Variants in TANC1 observed in about 807,000 individuals in gnomAD.
TANC1 encodes tetratricopeptide repeat, ankyrin repeat and coiled-coil containing 1.
TANC1 carries 77 observed loss-of-function variants against 149.7 expected under a neutral mutation model. The ratio of observed to expected loss-of-function variants is 0.51; its 90% CI spans 0.43 to 0.62. The LOEUF (loss-of-function observed/expected upper bound fraction) is 0.62, where lower values mean the gene tolerates loss of function less well. Ranked by LOEUF, TANC1 falls within the 20% of genes least tolerant of loss-of-function variation. TANC1 has a pLI of 0.00. For missense variants in TANC1, 1,985 were observed against 2,321.8 expected, an observed-to-expected ratio of 0.85 and a Z score of 2.98; for synonymous variants, 854 against 925.0, an observed-to-expected ratio of 0.92 and a Z score of 1.39.
At chr2:159,144,462 G>A (rs1486112654) in intron 5 of TANC1, among the ~76,000 whole-genome samples, 5 of 152,150 alleles carry the variant, frequency 3.3e-5, no homozygotes, top group East Asian at 1.9e-4. Context: ...TGTGACCTCC[G>A]CCTCCTGGGT....
chr2:158,987,750 T>A (rs1434553876), intron 1 of TANC1, among the ~76,000 whole-genome samples: 1 of 152,130 alleles, frequency 6.6e-6, no homozygotes, highest in Non-Finnish European at 1.5e-5. Flanking sequence ...ACAGCCTCCC[T>A]GAGCTGTTTT....
intron 4 of TANC1, among the ~76,000 whole-genome samples, chr2:159,128,459 G>C (rs2049720845): frequency 6.6e-6 from 1 of 152,200 alleles, no homozygotes; most frequent in African/African-American, 2.4e-5. Context: ...AGATATCCAA[G>C]GGATGGATGC....
intron 19 of TANC1, among the ~76,000 whole-genome samples, chr2:159,205,606 T>C (rs1232036476): frequency 6.6e-6 from 1 of 152,246 alleles, no homozygotes; most frequent in Non-Finnish European, 1.5e-5. Flanking sequence ...CTTAGCAGTT[T>C]AGGAGCAAAA....
intron 23 of TANC1, chr2:159,225,432 A>C (rs1401157541): frequency 2.3e-5 from 12 of 532,330 alleles, no homozygotes; most frequent in East Asian, 3.3e-5. Context: ...GAAGGGAGGA[A>C]TGAGTTTTCG....
intron 3 of TANC1, among the ~76,000 whole-genome samples, chr2:159,073,037 A>C (rs2043297023): frequency 6.6e-6 from 1 of 152,176 alleles, no homozygotes; most frequent in Non-Finnish European, 1.5e-5. Context: ...AAGTACTTGC[A>C]TTTTATGGTT....
chr2:159,003,976 A>T, intron 2 of TANC1: 5 of 1,612,574 alleles, frequency 3.1e-6, no homozygotes, highest in Non-Finnish European at 4.2e-6. Flanking sequence ...GTTCTCTAAA[A>T]AAAACTGGCT....
At chr2:159,004,624 T>C (rs2036960089) in intron 2 of TANC1, among the ~76,000 whole-genome samples, 2 of 152,140 alleles carry the variant, frequency 1.3e-5, no homozygotes, top group Admixed American at 1.3e-4. Flanking sequence ...TGTTTATGTA[T>C]GTGTGTGGGT....
chr2:159,123,158 CTG>C (rs2150107255), intron 4 of TANC1, among the ~76,000 whole-genome samples: 1 of 152,240 alleles, frequency 6.6e-6, no homozygotes, highest in South Asian at 2.1e-4. Context: ...AGAGGATTCG[CTG>C]TGTGTGGATG....
Position 159,230,509 on chromosome 2 carries a change from C to T in TANC1, c.5083C>T (p.Gln1695Ter), listed in dbSNP as rs1305703937. 3 of 1,614,172 alleles carry T rather than the reference C, an allele frequency of 1.9e-6. No individual in the cohort carries two copies. The highest frequency in any genetic ancestry group is 2.2e-5 in the East Asian group (1 of 44,882). The change falls in exon 27 of 27, where the codon CAA (glutamine) becomes TAA (stop). Residue 1695 changes from glutamine (Q) to a stop codon, truncating the protein, a stop_gained. Transcript: ENST00000263635. LOFTEE classifies it high-confidence loss of function. The surrounding 1 kb of genome is among the most constrained non-coding windows in gnomAD (Gnocchi z 4.4). ...CAGTTTTTCAGATGGCTTCAAGGTC[C>T]AAGGACCAGATACTAGAATTAAAGA... Reference protein sequence around the residue: ...SSSFSDGFKVQGPDTRIKDKV... With the variant: ...SSSFSDGFKV
intron 2 of TANC1, among the ~76,000 whole-genome samples, chr2:159,027,600 C>T (rs2039450495): frequency 6.6e-6 from 1 of 152,184 alleles, no homozygotes; most frequent in African/African-American, 2.4e-5. Flanking sequence ...CCCTAATGCT[C>T]CACTTATAGC....
rs554636546 is a variant in TANC1, at chr2:158,994,293, A to G, written c.-125-6787A>G. ...ACTATTTTTTCTTTATATTTTTTAGAGACAAGGTCTTGCACTGTTGCCCAG... is the reference window on the plus strand; with the variant it reads ...ACTATTTTTTCTTTATATTTTTTAGGGACAAGGTCTTGCACTGTTGCCCAG... On this transcript the variant is annotated intron_variant, in intron 1 of 26. Transcript: ENST00000263635. Among the ~76,000 whole-genome samples the G allele has an allele frequency of 2.0e-5, 3 of 152,278 alleles. No homozygotes were observed. The South Asian group carries it at 6.2e-4, about 32-fold the overall frequency.
At chr2:158,977,565 C>T (rs1573919525) in intron 1 of TANC1, among the ~76,000 whole-genome samples, 3 of 152,056 alleles carry the variant, frequency 2.0e-5, no homozygotes, top group Admixed American at 6.5e-5. Context: ...CCCGCCTCGG[C>T]CTCCCAAAGT....
intron 2 of TANC1, among the ~76,000 whole-genome samples, chr2:159,030,543 T>C (rs1406019287): frequency 6.6e-6 from 1 of 152,220 alleles, no homozygotes; most frequent in Non-Finnish European, 1.5e-5. Flanking sequence ...TAAGAAGCTC[T>C]CTGATTCTCC....
chr2:159,207,813 CAG>C (rs2058732967), intron 19 of TANC1, among the ~76,000 whole-genome samples: 1 of 147,684 alleles, frequency 6.8e-6, no homozygotes, highest in Admixed American at 6.8e-5. Flanking sequence ...TCATCTGTAA[CAG>C]AGAACTAAGA....
intron 5 of TANC1, among the ~76,000 whole-genome samples, chr2:159,141,395 T>G (rs1559335861): frequency 1.3e-5 from 2 of 152,152 alleles, no homozygotes; most frequent in African/African-American, 2.4e-5. Context: ...AGTAATTAAG[T>G]GAGAGGATAA....
At chr2:159,016,005 C>T (rs1387453634) in intron 2 of TANC1, among the ~76,000 whole-genome samples, 2 of 152,230 alleles carry the variant, frequency 1.3e-5, no homozygotes, top group Non-Finnish European at 2.9e-5. Context: ...AAAGCCGCTT[C>T]CACATTTTTG....
intron 18 of TANC1, 85 bp downstream of exon 18, chr2:159,196,878 G>T (rs2057896336): frequency 2.3e-6 from 3 of 1,329,548 alleles, no homozygotes; most frequent in Non-Finnish European, 3.1e-6. Context: ...CCGAAAGAAG[G>T]AGGATGCCAA....
chr2:159,192,033 AT>A (rs1261699885), intron 16 of TANC1, among the ~76,000 whole-genome samples: 4 of 152,164 alleles, frequency 2.6e-5, no homozygotes, highest in South Asian at 4.1e-4. Flanking sequence ...GAAAAAAAAA[AT>A]ATTATTATAC....
intron 1 of TANC1, among the ~76,000 whole-genome samples, chr2:158,983,229 G>A (rs1341608411): frequency 2.0e-5 from 3 of 151,954 alleles, no homozygotes; most frequent in African/African-American, 7.2e-5. Flanking sequence ...CACTTTGGGA[G>A]GCCGAGGTGG....
Sources: allele counts gnomAD v4.1 joint callset (sites outside exome capture counted in the v4.1 genomes callset), GRCh38; gene constraint gnomAD v4.1.1; non-coding constraint Gnocchi (gnomAD v3.1); transcripts MANE v1.5; gene names NCBI Gene and HGNC (gene_info 2026-07-23, HGNC 2026-07-21).